Variants in SEC63 observed in about 807,000 individuals in gnomAD.
SEC63 encodes the protein SEC63 protein translocation regulator.
SEC63 carries 56 observed loss-of-function variants against 116.2 expected under a neutral mutation model. The ratio of observed to expected loss-of-function variants is 0.48; its 90% CI spans 0.39 to 0.60. SEC63 has a LOEUF of 0.60. SEC63 is among the 20% of genes least tolerant of loss of function. The pLI, the probability that SEC63 is intolerant of heterozygous loss-of-function variation, is 0.00. For missense variants in SEC63, 668 were observed against 900.0 expected (o/e 0.74, Z 3.30); for synonymous variants, 273 against 294.6 (o/e 0.93, Z 0.75).
At chr6:107,955,913 A>G (rs1770701586) in intron 1 of SEC63, 2 of 279,100 alleles carry the variant, frequency 7.2e-6, no homozygotes, top group Non-Finnish European at 7.2e-6. Context: ...TAAATAAATA[A>G]ATAGTATGAT....
At chr6:107,945,494 A>C (rs1770463977) in intron 1 of SEC63, among the ~76,000 whole-genome samples, 1 of 151,792 alleles carries the variant, frequency 6.6e-6, no homozygotes, top group Non-Finnish European at 1.5e-5. Flanking sequence ...TTTAGTAGAG[A>C]GGGGGCTCAC....
chr6:107,932,954 G>A (rs1787845614), intron 1 of SEC63, among the ~76,000 whole-genome samples: 1 of 151,902 alleles, frequency 6.6e-6, no homozygotes, highest in African/African-American at 2.4e-5. Context: ...TTAATACCTG[G>A]AACCAGTAAA....
chr6:107,889,674 G>A (rs953242605), intron 16 of SEC63, among the ~76,000 whole-genome samples: 1 of 151,924 alleles, frequency 6.6e-6, no homozygotes, highest in Non-Finnish European at 1.5e-5. Context: ...TGTGATGTTA[G>A]GGTGTCGATT....
intron 4 of SEC63, among the ~76,000 whole-genome samples, chr6:107,918,904 C>CTTTT (rs1164457296): frequency 9.1e-5 from 5 of 54,756 alleles, no homozygotes; most frequent in East Asian, 5.5e-4. Flanking sequence ...AGCTGATTTC[C>CTTTT]TTTTTTTTTT....
chr6:107,876,478 A>C, intron 19 of SEC63, 86 bp downstream of exon 19: 1 of 864,932 alleles, frequency 1.2e-6, no homozygotes, highest in South Asian at 1.4e-5. Flanking sequence ...AATATGATAA[A>C]CTTTTTAAAA....
At chr6:107,952,619 G>A (rs1360978988) in intron 1 of SEC63, among the ~76,000 whole-genome samples, 3 of 151,306 alleles carry the variant, frequency 2.0e-5, no homozygotes, top group Non-Finnish European at 2.9e-5. Context: ...TTAGCCGGGC[G>A]TAGTGGCAGG....
At chr6:107,895,836 G>A (rs1158351207) in intron 14 of SEC63, among the ~76,000 whole-genome samples, 1 of 135,134 alleles carries the variant, frequency 7.4e-6, no homozygotes, top group Admixed American at 7.9e-5. Context: ...CAGCTGGGCA[G>A]CCTACAGAGA....
intron 16 of SEC63, among the ~76,000 whole-genome samples, chr6:107,891,811 C>A (rs765332048): frequency 6.6e-6 from 1 of 152,228 alleles, no homozygotes; most frequent in Non-Finnish European, 1.5e-5. Flanking sequence ...TTCTAACAGG[C>A]CCCTCTGCTG....
chr6:107,875,171 C>G (rs774675183), intron 19 of SEC63, among the ~76,000 whole-genome samples: 18 of 151,928 alleles, frequency 1.2e-4, no homozygotes, highest in Non-Finnish European at 2.1e-4. Context: ...GCCCAAGGCC[C>G]TGGTTCTTAA....
intron 1 of SEC63, 168 bp downstream of exon 1, chr6:107,957,718 C>T (rs1229828036): frequency 5.5e-6 from 3 of 543,666 alleles, no homozygotes; most frequent in Non-Finnish European, 8.2e-6. Context: ...CCGAGGGAAA[C>T]GCTGCTGACC....
intron 1 of SEC63, chr6:107,956,137 A>T (rs1237667019): frequency 5.1e-6 from 1 of 195,830 alleles, no homozygotes; most frequent in Non-Finnish European, 1.1e-5. Context: ...CAACTTTAAA[A>T]ATCCAATGTA....
intron 14 of SEC63, among the ~76,000 whole-genome samples, chr6:107,894,942 GT>G (rs1317328912): frequency 6.6e-6 from 1 of 152,070 alleles, no homozygotes; most frequent in Non-Finnish European, 1.5e-5. Context: ...ACACCCATCT[GT>G]AAGTTCAGCA....
At chr6:107,920,318 C>T (rs560651632) in intron 4 of SEC63, among the ~76,000 whole-genome samples, 21 of 147,016 alleles carry the variant, frequency 1.4e-4, no homozygotes, top group African/African-American at 5.0e-4. Flanking sequence ...CCCAGCTATT[C>T]GGGAGACTGA....
intron 16 of SEC63, 52 bp from the exon 17 acceptor site, chr6:107,883,198 T>C (rs780040738): frequency 1.9e-6 from 3 of 1,603,024 alleles, no homozygotes; most frequent in Admixed American, 3.3e-5. Flanking sequence ...TGAGAACATA[T>C]CAATCTGAAT....
At chr6:107,881,409 C>A (rs1168113479) in intron 17 of SEC63, among the ~76,000 whole-genome samples, 159 bp from the exon 18 acceptor site, 1 of 152,000 alleles carries the variant, frequency 6.6e-6, no homozygotes, top group Non-Finnish European at 1.5e-5. Context: ...CTTACAATGC[C>A]TTTTTAAATA....
At chr6:107,950,241 A>G (rs1445499971) in intron 1 of SEC63, among the ~76,000 whole-genome samples, 2 of 151,830 alleles carry the variant, frequency 1.3e-5, no homozygotes, top group African/African-American at 4.9e-5. Context: ...TAACATTTAT[A>G]AACATTTACG....
At chr6:107,938,692 G>A (rs747421340) in intron 1 of SEC63, among the ~76,000 whole-genome samples, 1 of 151,624 alleles carries the variant, frequency 6.6e-6, no homozygotes, top group Non-Finnish European at 1.5e-5. Flanking sequence ...GAGTAGCTGG[G>A]ATTACAGGCA....
chr6:107,903,910 G>A (rs978276600), intron 11 of SEC63, among the ~76,000 whole-genome samples: 8 of 151,862 alleles, frequency 5.3e-5, no homozygotes, highest in Non-Finnish European at 1.2e-4. Context: ...ACAAGGTCAG[G>A]AGTTTGAGAC....
At chr6:107,890,935 T>A (rs1442682259) in intron 16 of SEC63, among the ~76,000 whole-genome samples, 1 of 152,214 alleles carries the variant, frequency 6.6e-6, no homozygotes, top group Admixed American at 6.5e-5. Context: ...TGCCAAGAGA[T>A]CTGCTGTTAG....
Sources: gnomAD v4.1 joint callset for allele counts (sites outside exome capture counted in the v4.1 genomes callset) on GRCh38, gnomAD v4.1.1 for gene constraint, MANE v1.5 for transcripts, NCBI Gene and HGNC (gene_info 2026-07-23, HGNC 2026-07-21) for gene names.